Variants in MASP2 observed in about 807,000 individuals in gnomAD.
The protein encoded by MASP2 is mannan-binding lectin serine protease 2.
MASP2 carries 49 observed loss-of-function variants against 57.1 expected under a neutral mutation model. The ratio of observed to expected loss-of-function variants is 0.86; its 90% confidence interval spans 0.68 to 1.09. MASP2 has a LOEUF of 1.09. MASP2 is among the 50% of genes least tolerant of loss of function. The pLI is 0.00. For missense variants in MASP2, 900 were observed against 874.8 expected, an observed-to-expected ratio of 1.03 and a Z score of -0.36; for synonymous variants, 379 against 340.8, an observed-to-expected ratio of 1.11 and a Z score of -1.24.
chr1:11,038,884 A>G (rs540788570), intron 6 of MASP2, among the ~76,000 whole-genome samples: 23 of 138,400 alleles, frequency 1.7e-4, no homozygotes, highest in African/African-American at 5.9e-4. Context: ...TCCTGGCTGC[A>G]AACTGCTGAA....
At position 11,028,950 on chromosome 1, in the gene MASP2, C is replaced by T. The variant is rs191822567; in HGVS notation, c.1297+1226G>A. Among the ~76,000 whole-genome samples, 13 of 149,164 alleles carry T rather than the reference C, an allele frequency of 8.7e-5. No homozygotes were observed. The East Asian group carries it at 2.0e-3, about 23-fold the overall frequency. On this transcript the variant is annotated intron_variant, in intron 10 of 10. Coordinates refer to ENST00000400897, the MANE Select transcript of MASP2 (RefSeq NM_006610.4). ...GACTGGTCTTGATCTCCTGACCTCA[C>T]GATCTGCCCGCCTCAGCCTCCCAAA...
intron 6 of MASP2, among the ~76,000 whole-genome samples, chr1:11,041,784 G>A (rs1225536941): frequency 2.0e-3 from 288 of 147,388 alleles, no homozygotes; most frequent in Middle Eastern, 4.0e-3. Context: ...GTGGATGGAT[G>A]GATGGATGGA....
intron 3 of MASP2, 166 bp from the exon 4 acceptor site, chr1:11,045,705 C>T (rs919052995): frequency 4.4e-6 from 3 of 674,504 alleles, no homozygotes; most frequent in Non-Finnish European, 2.5e-6. Context: ...GGCCTAGGGT[C>T]GCTGCAAGCT....
intron 6 of MASP2, 48 bp from the exon 7 acceptor site, chr1:11,037,859 G>T: frequency 9.1e-7 from 1 of 1,094,250 alleles, no homozygotes; most frequent in Non-Finnish European, 1.3e-6. Flanking sequence ...GTCTACAGCA[G>T]CCAAGACTGA....
chr1:11,046,965 C>T lies in MASP2; in HGVS notation c.160G>A (p.Gly54Ser), dbSNP rs146071877. Reference protein sequence around the residue: ...ERRWTLTAPPGYRLRLYFTHF... With the variant: ...ERRWTLTAPPSYRLRLYFTHF... ...GTGAAGTAGAGGCGCAGGCGGTAGC[C>T]GGGGGGTGCAGTCAGGGTCCAGCGC... The change falls in exon 2 of 11, where the codon GGC becomes AGC. Residue 54 changes from glycine to serine, a missense_variant. Transcript: ENST00000400897. The T allele has an allele frequency of 1.2e-5, 19 of 1,563,480 alleles. No homozygotes were observed. Among genetic ancestry groups the T allele is most frequent in the Middle Eastern group, 1.7e-4 (1 of 6,028 alleles).
intron 6 of MASP2, among the ~76,000 whole-genome samples, chr1:11,041,309 A>G (rs1293490679): frequency 6.7e-6 from 1 of 150,304 alleles, no homozygotes; most frequent in Non-Finnish European, 1.5e-5. Flanking sequence ...GGATGGATGG[A>G]TAAATGGAAG....
Position 11,045,461 on chromosome 1 carries a change from T to G in MASP2, c.491A>C (p.Tyr164Ser). Residue 164 changes from tyrosine to serine, a missense_variant, in exon 4 of 11, where the codon TAC (tyrosine) becomes TCC (serine). Tyr to Ser is a moderately radical substitution (Grantham distance 144, BLOSUM62 -2). Coordinates refer to ENST00000400897, the MANE Select transcript of MASP2 (RefSeq NM_006610.4). ...GACGTAGCCTGCGCGGCAGGAGCAG[T>G]AGAAACCGCCCAGGTGGTTGTGGCA... ...HHCHNHLGGF[Y>S]CSCRAGYVLH... 1.9e-6 allele frequency: 3 copies of G among 1,613,058 alleles called. No individual in the cohort carries two copies. The highest frequency in any genetic ancestry group is 2.5e-6 in the Non-Finnish European group (3 of 1,179,948).
In MASP2 at chr1:11,043,497, C is replaced by T. The variant is rs1409184194; in HGVS notation, c.583G>A (p.Glu195Lys). 1.2e-6 allele frequency: 2 copies of T among 1,607,382 alleles called. No homozygotes were observed. The highest frequency in any genetic ancestry group is 1.7e-6 in the Non-Finnish European group (2 of 1,177,736). The stretch of plus-strand genomic sequence containing the variant: ...CGTGGGTATTCAGGGCTGCTGAGCT[C>T]CCCAGACCTCTGGGTGAAGACCTGG... ...SGQVFTQRSG[E>K]LSSPEYPRPY... Residue 195 changes from glutamate (E) to lysine (K), a missense_variant, in exon 5 of 11, where the codon GAG becomes AAG. Coordinates refer to ENST00000400897, the MANE Select transcript of MASP2 (RefSeq NM_006610.4).
chr1:11,030,997 G>T (rs1643834799), intron 8 of MASP2, 115 bp from the exon 9 acceptor site: 1 of 1,060,694 alleles, frequency 9.4e-7, no homozygotes, highest in East Asian at 2.6e-5. Context: ...GAGCTCAGGA[G>T]TTTGAGACCA....
intron 6 of MASP2, among the ~76,000 whole-genome samples, chr1:11,039,794 GA>G (rs1047949836): frequency 6.7e-6 from 1 of 150,334 alleles, no homozygotes; most frequent in African/African-American, 2.5e-5. Flanking sequence ...ATGGTTGGAT[GA>G]ATAGAAGAAT....
chr1:11,038,126 A>G (rs372314354), intron 6 of MASP2, among the ~76,000 whole-genome samples: 36 of 152,322 alleles, frequency 2.4e-4, no homozygotes, highest in African/African-American at 8.7e-4. Context: ...CTCAAAACCA[A>G]GAGAGAGTGT....
At chr1:11,045,367 C>A (rs1638600747) in intron 4 of MASP2, 41 bp downstream of exon 4, 1 of 1,611,358 alleles carries the variant, frequency 6.2e-7, no homozygotes. Context: ...CCCCGGGTAT[C>A]CCAGGAGAGG....
chr1:11,033,767 CCA>C (rs1189655427), intron 8 of MASP2, among the ~76,000 whole-genome samples: 5 of 149,982 alleles, frequency 3.3e-5, no homozygotes, highest in Non-Finnish European at 3.0e-5. Flanking sequence ...CTCGTCTTTA[CCA>C]AAAAAATACA....
intron 6 of MASP2, among the ~76,000 whole-genome samples, chr1:11,041,651 G>A (rs1570751641): frequency 3.0e-5 from 2 of 67,486 alleles, no homozygotes; most frequent in African/African-American, 6.0e-5. Context: ...TGATGGGTAG[G>A]TAGAAGGATG....
intron 10 of MASP2, among the ~76,000 whole-genome samples, chr1:11,028,958 C>T (rs1330680768): frequency 6.7e-6 from 1 of 149,316 alleles, no homozygotes; most frequent in African/African-American, 2.5e-5. Flanking sequence ...CACGATCTGC[C>T]CGCCTCAGCC....
intron 4 of MASP2, 60 bp downstream of exon 4, chr1:11,045,348 C>T (rs1344902328): frequency 6.2e-7 from 1 of 1,608,812 alleles, no homozygotes. Flanking sequence ...CAGCAATGGC[C>T]CTGAGGAGCC....
In MASP2 at chr1:11,026,939, G is replaced by GTA; in HGVS notation, c.2005_2006dup (p.Lys671GlnfsTer13). 1.3e-6 allele frequency: 2 copies of GTA among 1,517,558 alleles called. No homozygotes were observed. The highest frequency in any genetic ancestry group is 2.8e-5 in the African/African-American group (2 of 71,660). The allele number at this position is 1,517,558 out of a possible 1,614,324, so 94.0% of individuals were successfully genotyped here. ...AGGGAATATAGTTAATAACTTTTGT[G>GTA]TAGACTCCATACTGACCTGCTTCCC... is the stretch of plus-strand genomic sequence containing the variant. On this transcript the variant is annotated frameshift_variant, in exon 11 of 11. Coordinates refer to ENST00000400897, the MANE Select transcript of MASP2 (RefSeq NM_006610.4). LOFTEE classifies it high-confidence loss of function.
rs1643875422 is a variant in MASP2 at position 11,034,716 on chromosome 1, G to A, written c.1087+112C>T. On this transcript the variant is annotated intron_variant, in intron 8 of 10. Coordinates refer to ENST00000400897, the MANE Select transcript of MASP2 (RefSeq NM_006610.4). The stretch of plus-strand genomic sequence containing the variant: ...CCTGTCTCAGAAAAAAAAAAAAAAG[G>A]GAAAGAAAAAAGAAAGTAAACAGAA... The A allele has an allele frequency of 4.3e-6, 3 of 693,110 alleles. No individual in the cohort carries two copies. The Admixed American group carries it at 1.0e-4, about 24-fold the overall frequency. The allele number at this position is 693,110 out of a possible 1,614,324, so 42.9% of individuals were successfully genotyped here.
At chr1:11,034,639 C>T (rs1379690578) in intron 8 of MASP2, among the ~76,000 whole-genome samples, 189 bp downstream of exon 8, 5 of 146,462 alleles carry the variant, frequency 3.4e-5, no homozygotes, top group African/African-American at 5.1e-5. Flanking sequence ...ATAGAAATTG[C>T]AGTGAGCCGA....
Sources: gnomAD v4.1 joint callset for allele counts (sites outside exome capture counted in the v4.1 genomes callset) on GRCh38, gnomAD v4.1.1 for gene constraint, MANE v1.5 for transcripts, NCBI Gene and HGNC (gene_info 2026-07-23, HGNC 2026-07-21) for gene names.